POU2F1: variants seen among roughly 807,000 people sequenced by gnomAD.
POU2F1 encodes the protein POU class 2 homeobox 1.
In POU2F1, 16 loss-of-function variants were observed where a neutral mutation model predicts 84.9. The ratio of observed to expected loss-of-function variants is 0.19; its 90% CI spans 0.13 to 0.29. The LOEUF (loss-of-function observed/expected upper bound fraction) is 0.29, where lower values mean the gene tolerates loss of function less well. Ranked by LOEUF, POU2F1 falls within the 10% of genes least tolerant of loss-of-function variation. POU2F1 has a pLI of 1.00. For missense variants in POU2F1, 738 were observed against 942.6 expected (o/e 0.78, Z 2.84); for synonymous variants, 368 against 368.3 (o/e 1.00, Z 0.01).
At chr1:167,266,622 ATTT>A (rs34659711) in intron 1 of POU2F1, among the ~76,000 whole-genome samples, 7 of 136,812 alleles carry the variant, frequency 5.1e-5, no homozygotes, top group Non-Finnish European at 4.7e-5. Flanking sequence ...AATACTATTA[ATTT>A]TTTTTTTTTT....
At chr1:167,306,507 T>A (rs1266972080) in intron 1 of POU2F1, among the ~76,000 whole-genome samples, 1 of 152,194 alleles carries the variant, frequency 6.6e-6, no homozygotes, top group African/African-American at 2.4e-5. Context: ...CAAAATAACA[T>A]ATTAATTTTA....
intron 9 of POU2F1, among the ~76,000 whole-genome samples, chr1:167,395,991 T>C (rs1648781750): frequency 6.6e-6 from 1 of 152,228 alleles, no homozygotes; most frequent in African/African-American, 2.4e-5. Flanking sequence ...CTATTTTTGA[T>C]ACCTAGTTGA....
chr1:167,355,802 T>C (rs1658897346), intron 2 of POU2F1, among the ~76,000 whole-genome samples: 2 of 152,282 alleles, frequency 1.3e-5, no homozygotes, highest in South Asian at 4.1e-4. Flanking sequence ...GCCATGTCTT[T>C]GTTTTTAAAT....
Position 167,416,229 on chromosome 1 carries a change from C to T in POU2F1, c.*419C>T. 3.4e-6 allele frequency: 1 copy of T among 290,562 alleles called. No homozygotes were observed. Among genetic ancestry groups the T allele is most frequent in the Non-Finnish European group, 6.6e-6 (1 of 152,012 alleles). The allele number at this position is 290,562 out of a possible 1,614,324, so 18.0% of individuals were successfully genotyped here. A position where few individuals can be genotyped will look rare whatever the true frequency, so the allele number is the denominator to read the frequency against. On this transcript the variant is annotated 3_prime_UTR_variant, in exon 16 of 16. Coordinates refer to ENST00000367866, the MANE Select transcript of POU2F1 (RefSeq NM_002697.4). ...TATAGGAAGGGGATTTCTTGTTTGTCTAAATTTCTTTTTTTCTTAAAAAAA... is the reference window on the plus strand; with the variant it reads ...TATAGGAAGGGGATTTCTTGTTTGTTTAAATTTCTTTTTTTCTTAAAAAAA...
intron 1 of POU2F1, among the ~76,000 whole-genome samples, chr1:167,263,191 A>G (rs973927186): frequency 2.0e-5 from 3 of 152,206 alleles, no homozygotes; most frequent in African/African-American, 7.2e-5. Flanking sequence ...ATGAAAATGT[A>G]AGAAAAGATA....
chr1:167,284,840 C>G (rs1571227588), intron 1 of POU2F1, among the ~76,000 whole-genome samples: 1 of 152,268 alleles, frequency 6.6e-6, no homozygotes, highest in East Asian at 1.9e-4. Context: ...GTTTAGAATT[C>G]TGTTAGTGCC....
At chr1:167,291,868 T>C (rs981221796) in intron 1 of POU2F1, among the ~76,000 whole-genome samples, 6 of 152,194 alleles carry the variant, frequency 3.9e-5, no homozygotes, top group Non-Finnish European at 7.3e-5. Context: ...GAAATATTAT[T>C]AGAGTAACAA....
chr1:167,297,555 T>C (rs1654367876), intron 1 of POU2F1, among the ~76,000 whole-genome samples: 1 of 152,188 alleles, frequency 6.6e-6, no homozygotes, highest in Non-Finnish European at 1.5e-5. Context: ...AGGAGCTCTG[T>C]CCTTGATTTC....
At chr1:167,341,393 A>G (rs915494146) in intron 2 of POU2F1, among the ~76,000 whole-genome samples, 9 of 152,334 alleles carry the variant, frequency 5.9e-5, no homozygotes, top group Middle Eastern at 3.4e-3. Context: ...TAATGAATTT[A>G]CAGTCAATTA....
intron 2 of POU2F1, among the ~76,000 whole-genome samples, chr1:167,356,590 C>T (rs574542564): frequency 2.6e-5 from 4 of 152,128 alleles, no homozygotes; most frequent in South Asian, 2.1e-4. Context: ...CAAATATATA[C>T]GGGTCTGCAG....
At chr1:167,344,115 A>G (rs368143893) in intron 2 of POU2F1, among the ~76,000 whole-genome samples, 25 of 152,338 alleles carry the variant, frequency 1.6e-4, no homozygotes, top group African/African-American at 3.8e-4. Context: ...CAATTCCTCA[A>G]TCATACTAAC....
intron 1 of POU2F1, among the ~76,000 whole-genome samples, chr1:167,268,202 T>C (rs1379313937): frequency 1.3e-5 from 2 of 152,210 alleles, no homozygotes; most frequent in African/African-American, 2.4e-5. Flanking sequence ...TAACAAATTA[T>C]TAGGATATAA....
At chr1:167,377,593 A>T (rs558619352) in intron 7 of POU2F1, among the ~76,000 whole-genome samples, 9 of 152,292 alleles carry the variant, frequency 5.9e-5, no homozygotes, top group South Asian at 2.1e-4. Context: ...TCTAAAAAAT[A>T]AAAAAATTAA....
At chr1:167,298,230 G>C (rs1490451767) in intron 1 of POU2F1, among the ~76,000 whole-genome samples, 1 of 152,082 alleles carries the variant, frequency 6.6e-6, no homozygotes, top group African/African-American at 2.4e-5. Context: ...CTTTGATATG[G>C]AATAAGACAG....
Position 167,419,816 on chromosome 1 carries a change from A to G in POU2F1, c.*4006A>G, listed in dbSNP as rs1052012418. The G allele has an allele frequency of 3.3e-5, 5 of 152,250 alleles. No homozygotes were observed. The highest frequency in any genetic ancestry group is 6.5e-5 in the Admixed American group (1 of 15,286). The allele number at this position is 152,250 out of a possible 1,614,324, so 9.4% of individuals were successfully genotyped here. A position where few individuals can be genotyped will look rare whatever the true frequency, so the allele number is the denominator to read the frequency against. ...AAGGAATCCAACTTTCATTTTGTGT[A>G]GAATCATACCTACTTATACTTAATG... On this transcript the variant is annotated 3_prime_UTR_variant, in exon 16 of 16. Coordinates refer to ENST00000367866, the MANE Select transcript of POU2F1 (RefSeq NM_002697.4).
In POU2F1 at chr1:167,300,601, A is replaced by T. The variant is rs1654620919; in HGVS notation, c.62-31869A>T. On this transcript the variant is annotated intron_variant, in intron 1 of 15. Coordinates refer to ENST00000367866, the MANE Select transcript of POU2F1 (RefSeq NM_002697.4). Reference sequence around the variant, plus strand: ...TGCCTCAGCCTCCCGAGTAGCTGGGACTACAGGTGCACGCCACCATGCCCA... The same window carrying T: ...TGCCTCAGCCTCCCGAGTAGCTGGGTCTACAGGTGCACGCCACCATGCCCA... 2.0e-5 allele frequency among the ~76,000 whole-genome samples: 3 copies of T among 152,052 alleles called. No individual in the cohort carries two copies. The South Asian group carries it at 6.2e-4, about 32-fold the overall frequency.
intron 2 of POU2F1, chr1:167,357,368 ACCCCCCCC>A (rs1557922195): frequency 1.8e-4 from 5 of 27,820 alleles, no homozygotes; most frequent in East Asian, 6.8e-3. Flanking sequence ...CTCCCCCCCC[ACCCCCCCC>A]CCACCCCCCC....
chr1:167,328,793 T>C (rs931179884), intron 1 of POU2F1, among the ~76,000 whole-genome samples: 6 of 152,196 alleles, frequency 3.9e-5, no homozygotes, highest in Non-Finnish European at 5.9e-5. Context: ...TAAATATTTA[T>C]GCAACGATTT....
chr1:167,366,440 T>C (rs757266365), intron 3 of POU2F1, among the ~76,000 whole-genome samples: 2 of 152,218 alleles, frequency 1.3e-5, no homozygotes, highest in Non-Finnish European at 2.9e-5. Flanking sequence ...GAGCACTGAA[T>C]ATATACATCT....
Sources: gnomAD v4.1 joint callset for allele counts (sites outside exome capture counted in the v4.1 genomes callset) on GRCh38, gnomAD v4.1.1 for gene constraint, MANE v1.5 for transcripts, NCBI Gene and HGNC (gene_info 2026-07-23, HGNC 2026-07-21) for gene names.